Variants in RERE observed in about 807,000 individuals in gnomAD.
RERE encodes arginine-glutamic acid dipeptide repeats protein.
A neutral mutation model predicts 146.1 loss-of-function variants in RERE; 40 were observed. That is an observed-to-expected ratio of 0.27 (90% CI 0.21 to 0.36). The LOEUF (loss-of-function observed/expected upper bound fraction) is 0.36, where lower values mean the gene tolerates loss of function less well. RERE is among the 10% of genes least tolerant of loss of function. The pLI is 1.00. For synonymous variants in RERE, 1,003 were observed against 866.0 expected (o/e 1.16, Z -2.78); for missense variants, 1,933 against 2,138.7 (o/e 0.90, Z 1.90).
At chr1:8,373,259 C>G in intron 12 of RERE, among the ~76,000 whole-genome samples, 2 of 152,092 alleles carry the variant, frequency 1.3e-5, no homozygotes, top group East Asian at 3.9e-4. Context: ...GCTAAATAAT[C>G]TCTACACAAT....
chr1:8,385,904 G>C (rs1642623209), intron 12 of RERE, among the ~76,000 whole-genome samples: 1 of 137,284 alleles, frequency 7.3e-6, no homozygotes, highest in Non-Finnish European at 1.5e-5. Flanking sequence ...GGGAGGTGGA[G>C]CTTGCAGTGA....
chr1:8,779,309 C>T (rs764710176), intron 1 of RERE, among the ~76,000 whole-genome samples: 8 of 150,094 alleles, frequency 5.3e-5, no homozygotes, highest in Middle Eastern at 3.4e-3. Context: ...GGGCAGATCA[C>T]GAGGTCAGGA....
At chr1:8,557,133 G>T (rs938684749) in intron 5 of RERE, among the ~76,000 whole-genome samples, 1 of 152,032 alleles carries the variant, frequency 6.6e-6, no homozygotes, top group African/African-American at 2.4e-5. Context: ...CAGGATCAGG[G>T]CCAGGCAAAG....
At chr1:8,681,044 A>T (rs1039727774) in intron 1 of RERE, among the ~76,000 whole-genome samples, 3 of 152,238 alleles carry the variant, frequency 2.0e-5, no homozygotes, top group Non-Finnish European at 4.4e-5. Flanking sequence ...GTCAGAAAGC[A>T]TGTAAAACCA....
At chr1:8,676,384 T>C (rs1218217783) in intron 1 of RERE, among the ~76,000 whole-genome samples, 2 of 151,818 alleles carry the variant, frequency 1.3e-5, no homozygotes, top group Non-Finnish European at 2.9e-5. Context: ...TCAGCTCACA[T>C]GAAGAACCAT....
intron 1 of RERE, among the ~76,000 whole-genome samples, chr1:8,797,614 T>C (rs936489727): frequency 3.9e-5 from 6 of 152,226 alleles, no homozygotes; most frequent in Admixed American, 3.3e-4. Context: ...TTTTTTACCT[T>C]AGAAGCCTTT....
At chr1:8,576,707 T>C (rs1646299310) in intron 4 of RERE, among the ~76,000 whole-genome samples, 1 of 152,142 alleles carries the variant, frequency 6.6e-6, no homozygotes, top group African/African-American at 2.4e-5. Context: ...CTGGCAAATA[T>C]CCAAGTTGAT....
intron 1 of RERE, among the ~76,000 whole-genome samples, chr1:8,700,551 T>A (rs2124437767): frequency 6.6e-6 from 1 of 152,302 alleles, no homozygotes. Context: ...AGCAGACACG[T>A]CTAAAAGCTT....
chr1:8,408,681 A>G (rs1232332975), intron 12 of RERE, among the ~76,000 whole-genome samples: 1 of 152,238 alleles, frequency 6.6e-6, no homozygotes, highest in African/African-American at 2.4e-5. Flanking sequence ...TTCAGCATGA[A>G]TATCCTCCAC....
intron 12 of RERE, among the ~76,000 whole-genome samples, chr1:8,403,157 A>G (rs1399471716): frequency 6.6e-6 from 1 of 152,068 alleles, no homozygotes; most frequent in African/African-American, 2.4e-5. Flanking sequence ...TCGGCCTCCC[A>G]AAGTGCTGGG....
At chr1:8,422,596 G>A in intron 12 of RERE, 131 bp downstream of exon 12, 1 of 645,448 alleles carries the variant, frequency 1.5e-6, no homozygotes, top group Non-Finnish European at 2.8e-6. Flanking sequence ...AAAACGGAGA[G>A]AATTCTGGAG....
intron 12 of RERE, among the ~76,000 whole-genome samples, chr1:8,375,681 T>C (rs34559326): frequency 0.047 from 2,928 of 62,000 alleles, 4 homozygotes; most frequent in Middle Eastern, 0.065. Flanking sequence ...ACTGAAAATG[T>C]TTCCTCACTC....
chr1:8,666,452 A>G (rs1411339829), intron 1 of RERE, among the ~76,000 whole-genome samples: 1 of 152,252 alleles, frequency 6.6e-6, no homozygotes, highest in Non-Finnish European at 1.5e-5. Flanking sequence ...AAGCAGCTGC[A>G]GCCAGCATGC....
At chr1:8,692,344 C>CTTTTTTT (rs55723477) in intron 1 of RERE, among the ~76,000 whole-genome samples, 1 of 147,594 alleles carries the variant, frequency 6.8e-6, no homozygotes, top group Non-Finnish European at 1.5e-5. Flanking sequence ...CTCCCATATA[C>CTTTTTTT]TTTTTTTTTT....
chr1:8,661,601 T>A (rs1638458923), intron 1 of RERE, among the ~76,000 whole-genome samples: 1 of 152,094 alleles, frequency 6.6e-6, no homozygotes, highest in Non-Finnish European at 1.5e-5. Context: ...GGGGAAAGTC[T>A]CATGTTTGTA....
chr1:8,501,885 TG>T (rs1323786039), intron 8 of RERE, among the ~76,000 whole-genome samples: 151 of 16,156 alleles, frequency 9.3e-3, no homozygotes, highest in African/African-American at 0.014. Flanking sequence ...GGGAGGCAGG[TG>T]GGGGGGGTCA....
intron 1 of RERE, among the ~76,000 whole-genome samples, chr1:8,781,245 A>G (rs1034066234): frequency 6.6e-6 from 1 of 151,790 alleles, no homozygotes; most frequent in African/African-American, 2.4e-5. Context: ...TGTCCCAGCT[A>G]CTCAGGAGGC....
At chr1:8,797,931 A>G (rs1641508970) in intron 1 of RERE, among the ~76,000 whole-genome samples, 1 of 152,216 alleles carries the variant, frequency 6.6e-6, no homozygotes, top group African/African-American at 2.4e-5. Context: ...CATTTACTAC[A>G]AATAATATGA....
intron 8 of RERE, among the ~76,000 whole-genome samples, chr1:8,499,659 G>T (rs544192853): frequency 6.6e-6 from 1 of 152,218 alleles, no homozygotes; most frequent in Non-Finnish European, 1.5e-5. Context: ...CTAGCCATCA[G>T]CACCCACACA....
Sources: gnomAD v4.1 joint callset for allele counts (sites outside exome capture counted in the v4.1 genomes callset) on GRCh38, gnomAD v4.1.1 for gene constraint, MANE v1.5 for transcripts, NCBI Gene and HGNC (gene_info 2026-07-23, HGNC 2026-07-21) for gene names.